ZNG1B: variants seen among roughly 807,000 people sequenced by gnomAD.
ZNG1B encodes the protein zinc-regulated GTPase metalloprotein activator 1B.
At chr2:113,437,701 G>T in the ZNG1B span, 1 of 1,502,660 alleles carries the variant, frequency 6.7e-7, no homozygotes, top group Admixed American at 2.0e-5. Context: ...AAGGGACGAG[G>T]CGCTTCTCGT....
the ZNG1B span, among the ~76,000 whole-genome samples, chr2:113,468,415 T>C: frequency 3.4e-3 from 505 of 148,882 alleles, no homozygotes; most frequent in African/African-American, 0.013. Flanking sequence ...TCTCCTGTCC[T>C]TGGTCTTAGG....
chr2:113,457,418 A>G, the ZNG1B span, among the ~76,000 whole-genome samples: 1 of 144,056 alleles, frequency 6.9e-6, no homozygotes, highest in African/African-American at 2.5e-5. Context: ...GACACCAGAC[A>G]TCTTTGACAC....
the ZNG1B span, among the ~76,000 whole-genome samples, chr2:113,475,412 C>T: frequency 6.0e-5 from 9 of 151,242 alleles, no homozygotes; most frequent in East Asian, 1.6e-3. Context: ...TTCCTGAATA[C>T]AGCACACTGA....
the ZNG1B span, among the ~76,000 whole-genome samples, chr2:113,447,164 A>T: frequency 8.1e-6 from 1 of 123,382 alleles, no homozygotes; most frequent in African/African-American, 3.2e-5. Flanking sequence ...GTGTGATGTC[A>T]CAGGCCTGTA....
the ZNG1B span, chr2:113,439,190 T>C: frequency 4.6e-6 from 6 of 1,300,276 alleles, no homozygotes; most frequent in Non-Finnish European, 5.3e-6. Context: ...ACCTTGTTGC[T>C]GAATCTAGGG....
At chr2:113,488,900 A>G in the ZNG1B span, among the ~76,000 whole-genome samples, 1 of 151,952 alleles carries the variant, frequency 6.6e-6, no homozygotes, top group Admixed American at 6.6e-5. Context: ...AATAACCGGC[A>G]TTCCTGAGGA....
At chr2:113,473,510 C>T in the ZNG1B span, among the ~76,000 whole-genome samples, 2 of 151,722 alleles carry the variant, frequency 1.3e-5, no homozygotes, top group African/African-American at 4.8e-5. Context: ...CTGGCCAGAA[C>T]TTCCAACACT....
At chr2:113,459,380 C>G in the ZNG1B span, among the ~76,000 whole-genome samples, 1 of 151,434 alleles carries the variant, frequency 6.6e-6, no homozygotes, top group Non-Finnish European at 1.5e-5. Context: ...TATTCAGATA[C>G]CCCTAATGAT....
the ZNG1B span, chr2:113,466,575 C>T: frequency 1.0e-6 from 1 of 985,322 alleles, no homozygotes; most frequent in Non-Finnish European, 1.2e-6. Context: ...GTGTATGGTG[C>T]TTGCCAGTGC....
chr2:113,483,887 AT>A, the ZNG1B span, among the ~76,000 whole-genome samples: 3 of 152,398 alleles, frequency 2.0e-5, no homozygotes, highest in African/African-American at 7.2e-5. Flanking sequence ...GCATATCTAT[AT>A]TTTTGTAGCC....
At chr2:113,466,676 C>T in the ZNG1B span, 1 of 985,250 alleles carries the variant, frequency 1.0e-6, no homozygotes, top group Admixed American at 6.1e-5. Context: ...GATCAGATGT[C>T]CTGAGTAGAA....
the ZNG1B span, among the ~76,000 whole-genome samples, chr2:113,485,484 G>A: frequency 1.4e-5 from 2 of 145,242 alleles, no homozygotes; most frequent in Non-Finnish European, 3.0e-5. Flanking sequence ...TAAATCCAGA[G>A]CTGTTTCACC....
At chr2:113,456,452 T>G in the ZNG1B span, among the ~76,000 whole-genome samples, 1 of 129,896 alleles carries the variant, frequency 7.7e-6, no homozygotes, top group Non-Finnish European at 1.7e-5. Context: ...CTAAGACATT[T>G]TGTTTTTTTT....
the ZNG1B span, among the ~76,000 whole-genome samples, chr2:113,442,702 A>G: frequency 6.6e-6 from 1 of 152,094 alleles, no homozygotes; most frequent in African/African-American, 2.4e-5. Context: ...TGTTCTGTAT[A>G]TAGTCCGAAT....
chr2:113,478,973 C>A, the ZNG1B span, among the ~76,000 whole-genome samples: 1 of 152,070 alleles, frequency 6.6e-6, no homozygotes, highest in East Asian at 1.9e-4. Context: ...CGTTTTTCAC[C>A]TGTAGCTTCT....
chr2:113,462,023 C>T, the ZNG1B span, among the ~76,000 whole-genome samples: 5 of 151,956 alleles, frequency 3.3e-5, no homozygotes, highest in East Asian at 1.9e-4. Context: ...TTCTTTTTAC[C>T]ATATTGGATA....
the ZNG1B span, chr2:113,469,991 C>CTTTTTT: frequency 7.5e-6 from 1 of 132,802 alleles, no homozygotes; most frequent in Non-Finnish European, 1.6e-5. Flanking sequence ...CTCTGCTGTT[C>CTTTTTT]TTTTTTTTTT....
the ZNG1B span, chr2:113,453,241 T>C: frequency 1.4e-6 from 1 of 700,140 alleles, no homozygotes; most frequent in Middle Eastern, 4.4e-4. Flanking sequence ...TTGTTTTTTG[T>C]TTTTTTTTTT....
the ZNG1B span, among the ~76,000 whole-genome samples, chr2:113,439,672 C>G: frequency 6.6e-6 from 1 of 152,072 alleles, no homozygotes; most frequent in Non-Finnish European, 1.5e-5. Flanking sequence ...CCAAATTGGC[C>G]CCGCACAATG....
Sources: allele counts gnomAD v4.1 joint callset (sites outside exome capture counted in the v4.1 genomes callset), GRCh38; gene constraint gnomAD v4.1.1; transcripts MANE v1.5; gene names NCBI Gene and HGNC (gene_info 2026-07-23, HGNC 2026-07-21).